Variants in HIVEP1 observed in about 807,000 individuals in gnomAD.
HIVEP1 encodes zinc finger protein 40.
A neutral mutation model predicts 180.0 loss-of-function variants in HIVEP1; 36 were observed. The observed-to-expected ratio is 0.20, with a 90% confidence interval of 0.15 to 0.26. The LOEUF (loss-of-function observed/expected upper bound fraction) is 0.26. Among genes scored for constraint, HIVEP1 ranks in the 10% least tolerant of loss-of-function variants. The pLI is 1.00. For missense variants in HIVEP1, 3,143 were observed against 3,268.7 expected, an observed-to-expected ratio of 0.96 and a Z score of 0.94; for synonymous variants, 1,239 against 1,239.0, an observed-to-expected ratio of 1.00 and a Z score of 0.00.
intron 1 of HIVEP1, among the ~76,000 whole-genome samples, chr6:12,014,865 C>T (rs894307123): frequency 6.6e-6 from 1 of 152,240 alleles, no homozygotes; most frequent in African/African-American, 2.4e-5. Flanking sequence ...GCTGTGTGAT[C>T]ACGTGGGTTA....
the HIVEP1 span, among the ~76,000 whole-genome samples, chr6:12,205,237 C>T: frequency 2.6e-5 from 4 of 152,114 alleles, no homozygotes; most frequent in African/African-American, 9.7e-5. Context: ...TTTGGGAGGC[C>T]AAGGCGGGTG....
chr6:12,187,746 C>T, the HIVEP1 span, among the ~76,000 whole-genome samples: 4 of 152,182 alleles, frequency 2.6e-5, no homozygotes, highest in East Asian at 7.7e-4. Context: ...GTGTGCACCA[C>T]CAGGCCTTGC....
intron 7 of HIVEP1, among the ~76,000 whole-genome samples, chr6:12,136,284 C>T (rs1758699359): frequency 6.6e-6 from 1 of 152,118 alleles, no homozygotes; most frequent in Non-Finnish European, 1.5e-5. Context: ...TTCCTGCCTA[C>T]TTAACATTGA....
chr6:12,119,628 G>A (rs1775435055), intron 3 of HIVEP1, among the ~76,000 whole-genome samples: 1 of 152,208 alleles, frequency 6.6e-6, no homozygotes, highest in Non-Finnish European at 1.5e-5. Flanking sequence ...GTTCCAGGAT[G>A]TTGATTATTC....
chr6:12,086,465 G>A (rs1478183571), intron 2 of HIVEP1, among the ~76,000 whole-genome samples: 1 of 152,104 alleles, frequency 6.6e-6, no homozygotes, highest in Non-Finnish European at 1.5e-5. Flanking sequence ...TTGGGAAATT[G>A]TTAACCCAGA....
At chr6:12,035,246 T>C (rs1009392696) in intron 2 of HIVEP1, among the ~76,000 whole-genome samples, 4 of 152,244 alleles carry the variant, frequency 2.6e-5, no homozygotes, top group African/African-American at 9.6e-5. Context: ...CAGATTAATC[T>C]TTCTAAGTGT....
chr6:12,159,255 A>G (rs1760255559), intron 7 of HIVEP1, among the ~76,000 whole-genome samples: 1 of 152,166 alleles, frequency 6.6e-6, no homozygotes, highest in Non-Finnish European at 1.5e-5. Context: ...TAACGTAAAC[A>G]GGTCCCATCC....
At chr6:12,073,262 C>T (rs1314881956) in intron 2 of HIVEP1, among the ~76,000 whole-genome samples, 3 of 152,138 alleles carry the variant, frequency 2.0e-5, no homozygotes, top group Non-Finnish European at 4.4e-5. Flanking sequence ...GCTCCTTGTC[C>T]CCCATATTGA....
chr6:12,204,721 A>G, the HIVEP1 span, among the ~76,000 whole-genome samples: 1 of 152,366 alleles, frequency 6.6e-6, no homozygotes, highest in Middle Eastern at 3.4e-3. Flanking sequence ...CTGGAATTAC[A>G]GCAGTGAATA....
chr6:12,023,177 T>TAATTAACCAGATTAATTAAC (rs1385986347), intron 2 of HIVEP1, among the ~76,000 whole-genome samples: 1 of 152,204 alleles, frequency 6.6e-6, no homozygotes, highest in Non-Finnish European at 1.5e-5. Context: ...AGCCGGGGTT[T>TAATTAACCAGATTAATTAAC]CAGAATTAAT....
At chr6:12,148,576 A>G (rs987026674) in intron 7 of HIVEP1, among the ~76,000 whole-genome samples, 6 of 152,192 alleles carry the variant, frequency 3.9e-5, no homozygotes, top group African/African-American at 1.2e-4. Context: ...TCTTGATATC[A>G]TCTCTCATCT....
intron 6 of HIVEP1, among the ~76,000 whole-genome samples, chr6:12,132,605 A>G (rs558234423): frequency 1.1e-4 from 17 of 152,326 alleles, no homozygotes; most frequent in Non-Finnish European, 2.2e-4. Flanking sequence ...GATAAATGTT[A>G]ACTAAATGGT....
intron 2 of HIVEP1, among the ~76,000 whole-genome samples, chr6:12,041,099 C>G (rs1271876632): frequency 2.6e-5 from 4 of 152,154 alleles, no homozygotes; most frequent in South Asian, 2.1e-4. Flanking sequence ...ACAGTTTGCT[C>G]TCTCTCCTGC....
intron 3 of HIVEP1, among the ~76,000 whole-genome samples, chr6:12,116,910 A>G (rs1775250984): frequency 6.6e-6 from 1 of 152,220 alleles, no homozygotes; most frequent in South Asian, 2.1e-4. Flanking sequence ...CAAGAGTTCA[A>G]ACTTAATATG....
At position 12,123,522 on chromosome 6, in the gene HIVEP1, C is replaced by T; in HGVS notation, c.3727C>T (p.Pro1243Ser). 6.2e-7 allele frequency: 1 copy of T among 1,614,136 alleles called. No individual in the cohort carries two copies. The highest frequency in any genetic ancestry group is 8.5e-7 in the Non-Finnish European group (1 of 1,180,030). The change falls in exon 4 of 9, where the codon CCA becomes TCA. Residue 1243 changes from proline to serine, a missense_variant. Pro to Ser is a moderately conservative substitution (Grantham distance 74). Coordinates refer to ENST00000379388, the MANE Select transcript of HIVEP1 (RefSeq NM_002114.4). ...QVPEILVTEE[P>S]DRDLEAQCHD... ...TCCAGAGATTTTGGTCACAGAAGAA[C>T]CAGATCGAGACCTGGAAGCTCAATG...
chr6:12,115,559 T>TGAG (rs985851743), intron 3 of HIVEP1, among the ~76,000 whole-genome samples: 1 of 151,990 alleles, frequency 6.6e-6, no homozygotes, highest in African/African-American at 2.4e-5. Context: ...TTTGATGTGT[T>TGAG]GATACCTCAG....
chr6:12,123,141 A>G lies in HIVEP1; in HGVS notation c.3346A>G (p.Ile1116Val), dbSNP rs745340714. 1.1e-5 allele frequency: 17 copies of G among 1,614,080 alleles called. No homozygotes were observed. In the South Asian group the frequency reaches 1.1e-4, roughly 10 times the overall value. The change falls in exon 4 of 9, where the codon ATA becomes GTA. Residue 1116 changes from isoleucine (I) to valine (V), a missense_variant. Around this residue, in one of 12 missense-constraint regions of HIVEP1, gnomAD observed 1,357 missense variants for 1,260.5 expected, o/e 1.08. Transcript: ENST00000379388. ...PKLSTIMEQQ[I>V]SSAAQDKIEL... ...GCTGTCGACCATCATGGAACAACAG[A>G]TAAGTTCAGCAGCCCAGGACAAGAT...
the HIVEP1 span, among the ~76,000 whole-genome samples, chr6:12,185,848 G>T: frequency 6.6e-6 from 1 of 152,198 alleles, no homozygotes; most frequent in South Asian, 2.1e-4. Context: ...TGATGGAAAT[G>T]AACATGGTAT....
At chr6:12,033,914 T>G (rs1769114759) in intron 2 of HIVEP1, among the ~76,000 whole-genome samples, 1 of 152,178 alleles carries the variant, frequency 6.6e-6, no homozygotes, top group Admixed American at 6.5e-5. Context: ...ATTGCAGAAT[T>G]TAGACATACA....
Sources: allele counts gnomAD v4.1 joint callset (sites outside exome capture counted in the v4.1 genomes callset), GRCh38; gene constraint gnomAD v4.1.1; regional missense constraint gnomAD v4.1.1; transcripts MANE v1.5; gene names NCBI Gene and HGNC (gene_info 2026-07-23, HGNC 2026-07-21).